Variants in KHDRBS2 observed in about 807,000 individuals in gnomAD.
KHDRBS2 encodes the protein KH domain-containing, RNA-binding, signal transduction-associated protein 2.
A neutral mutation model predicts 44.3 loss-of-function variants in KHDRBS2; 26 were observed. The ratio of observed to expected loss-of-function variants is 0.59; its 90% CI spans 0.43 to 0.81. The LOEUF (loss-of-function observed/expected upper bound fraction) is 0.81. Among genes scored for constraint, KHDRBS2 ranks in the 40% least tolerant of loss-of-function variants. KHDRBS2 has a pLI of 0.00. For synonymous variants in KHDRBS2, 194 were observed against 151.1 expected (o/e 1.28, Z -2.08); for missense variants, 476 against 433.1 (o/e 1.10, Z -0.88).
intron 3 of KHDRBS2, among the ~76,000 whole-genome samples, chr6:62,031,120 G>C (rs1784267678): frequency 6.6e-6 from 1 of 152,090 alleles, no homozygotes; most frequent in African/African-American, 2.4e-5. Context: ...CAGGGACCAG[G>C]GGTGGAGGGA....
chr6:62,052,393 G>T (rs1789264639), intron 2 of KHDRBS2, among the ~76,000 whole-genome samples: 1 of 151,634 alleles, frequency 6.6e-6, no homozygotes, highest in African/African-American at 2.4e-5. Context: ...AAATATGGAT[G>T]ATCTCATTTA....
At chr6:61,806,142 G>T (rs1787119309) in intron 6 of KHDRBS2, among the ~76,000 whole-genome samples, 1 of 152,036 alleles carries the variant, frequency 6.6e-6, no homozygotes, top group Non-Finnish European at 1.5e-5. Flanking sequence ...CAAGAAGTGT[G>T]GTCTACATTC....
chr6:61,716,674 A>T (rs1395721485), intron 7 of KHDRBS2, among the ~76,000 whole-genome samples: 2 of 152,032 alleles, frequency 1.3e-5, no homozygotes, highest in Non-Finnish European at 2.9e-5. Context: ...TCCTTATTGC[A>T]TACTTTGACA....
chr6:61,723,356 G>A (rs748934709), intron 7 of KHDRBS2, among the ~76,000 whole-genome samples: 13 of 152,200 alleles, frequency 8.5e-5, no homozygotes, highest in Non-Finnish European at 1.5e-4. Flanking sequence ...ACCTCCCCAA[G>A]GAGGTCAAAG....
At chr6:61,607,733 G>A in the KHDRBS2 span, among the ~76,000 whole-genome samples, 2 of 152,072 alleles carry the variant, frequency 1.3e-5, no homozygotes, top group African/African-American at 2.4e-5. Context: ...TGTTGCCCAG[G>A]CTGGAGTGCA....
chr6:62,100,052 C>T (rs768057720), intron 2 of KHDRBS2, among the ~76,000 whole-genome samples: 22 of 146,732 alleles, frequency 1.5e-4, no homozygotes, highest in Non-Finnish European at 3.2e-4. Flanking sequence ...TAGATGCCAT[C>T]AAGAACATTT....
At chr6:61,756,469 A>G (rs2127570869) in intron 6 of KHDRBS2, among the ~76,000 whole-genome samples, 1 of 152,218 alleles carries the variant, frequency 6.6e-6, no homozygotes, top group Non-Finnish European at 1.5e-5. Flanking sequence ...CATGTTGACC[A>G]GGCTGGTCTC....
At chr6:61,732,578 C>T (rs1774652634) in intron 7 of KHDRBS2, 104 bp downstream of exon 7, 2 of 719,524 alleles carry the variant, frequency 2.8e-6, no homozygotes, top group Non-Finnish European at 5.0e-6. Context: ...GGAGAAAAAA[C>T]ACTACTAGAA....
chr6:62,243,590 AC>A (rs1201802516), intron 1 of KHDRBS2, among the ~76,000 whole-genome samples: 1 of 144,240 alleles, frequency 6.9e-6, no homozygotes, highest in Non-Finnish European at 1.5e-5. Flanking sequence ...CAAACATAAT[AC>A]ATCATACCTA....
At chr6:62,058,377 T>C (rs948025432) in intron 2 of KHDRBS2, among the ~76,000 whole-genome samples, 3 of 151,956 alleles carry the variant, frequency 2.0e-5, no homozygotes, top group African/African-American at 7.2e-5. Context: ...TATTGGAATG[T>C]TACTTTCACG....
At chr6:62,039,320 T>C (rs1283885786) in intron 3 of KHDRBS2, among the ~76,000 whole-genome samples, 2 of 151,426 alleles carry the variant, frequency 1.3e-5, no homozygotes, top group Non-Finnish European at 2.9e-5. Context: ...TCTGTCTGCA[T>C]TGATCGCCAT....
At chr6:62,136,148 T>G (rs1163428316) in intron 2 of KHDRBS2, among the ~76,000 whole-genome samples, 1 of 152,140 alleles carries the variant, frequency 6.6e-6, no homozygotes, top group Non-Finnish European at 1.5e-5. Flanking sequence ...CACTTCATTG[T>G]GCATATGTAT....
At chr6:62,047,666 T>C (rs939272098) in intron 3 of KHDRBS2, among the ~76,000 whole-genome samples, 36 of 151,786 alleles carry the variant, frequency 2.4e-4, no homozygotes, top group Admixed American at 8.5e-4. Flanking sequence ...AATGAAAATA[T>C]AGAATATACT....
chr6:61,956,721 C>G (rs992872242), intron 4 of KHDRBS2, among the ~76,000 whole-genome samples: 1 of 152,162 alleles, frequency 6.6e-6, no homozygotes, highest in Admixed American at 6.6e-5. Context: ...TAAACTCCAC[C>G]AATCTTTCTG....
intron 6 of KHDRBS2, among the ~76,000 whole-genome samples, chr6:61,854,384 A>G (rs1795871156): frequency 6.6e-6 from 1 of 152,160 alleles, no homozygotes; most frequent in African/African-American, 2.4e-5. Flanking sequence ...AAATAACTAA[A>G]TGTATATATA....
chr6:61,932,009 A>T (rs1214355931), intron 4 of KHDRBS2, among the ~76,000 whole-genome samples: 1 of 152,096 alleles, frequency 6.6e-6, no homozygotes, highest in Non-Finnish European at 1.5e-5. Flanking sequence ...AGCTTACTTT[A>T]TTGTAAGAAT....
chr6:62,176,483 C>T (rs1168170252), intron 2 of KHDRBS2, among the ~76,000 whole-genome samples: 1 of 151,242 alleles, frequency 6.6e-6, no homozygotes, highest in Non-Finnish European at 1.5e-5. Context: ...TTCACATTCA[C>T]TCTTCAGAAA....
At chr6:61,906,537 T>C (rs1805060942) in intron 4 of KHDRBS2, among the ~76,000 whole-genome samples, 1 of 151,808 alleles carries the variant, frequency 6.6e-6, no homozygotes, top group African/African-American at 2.4e-5. Context: ...CATCCCAACT[T>C]CCCCCCCTCC....
intron 2 of KHDRBS2, among the ~76,000 whole-genome samples, chr6:62,092,405 A>G (rs1799657706): frequency 6.6e-6 from 1 of 152,166 alleles, no homozygotes; most frequent in Non-Finnish European, 1.5e-5. Context: ...TCTCATTCAC[A>G]TCAGAAAGTA....
Sources: gnomAD v4.1 joint callset for allele counts (sites outside exome capture counted in the v4.1 genomes callset) on GRCh38, gnomAD v4.1.1 for gene constraint, MANE v1.5 for transcripts, NCBI Gene and HGNC (gene_info 2026-07-23, HGNC 2026-07-21) for gene names.